CADM1: variants seen among roughly 807,000 people sequenced by gnomAD.
The protein encoded by CADM1 is cell adhesion molecule 1.
A neutral mutation model predicts 53.1 loss-of-function variants in CADM1; 15 were observed. That is an observed-to-expected ratio of 0.28 (90% CI 0.19 to 0.44). The LOEUF is 0.44. CADM1 is among the 20% of genes least tolerant of loss of function. CADM1 has a pLI of 1.00. For missense variants in CADM1, 434 were observed against 611.3 expected, an observed-to-expected ratio of 0.71 and a Z score of 3.06; for synonymous variants, 281 against 243.0, an observed-to-expected ratio of 1.16 and a Z score of -1.45.
At chr11:115,370,795 T>G (rs1284347138) in intron 1 of CADM1, among the ~76,000 whole-genome samples, 1 of 152,194 alleles carries the variant, frequency 6.6e-6, no homozygotes, top group Non-Finnish European at 1.5e-5. Flanking sequence ...CCCTATATAT[T>G]GACCTCTGAA....
At chr11:115,493,696 C>T (rs1949548836) in intron 1 of CADM1, among the ~76,000 whole-genome samples, 1 of 152,096 alleles carries the variant, frequency 6.6e-6, no homozygotes, top group South Asian at 2.1e-4. Flanking sequence ...AGGAAGTTGG[C>T]AGTATCAGCT....
chr11:115,323,569 G>A (rs998271779), intron 1 of CADM1, among the ~76,000 whole-genome samples: 6 of 152,180 alleles, frequency 3.9e-5, no homozygotes, highest in Admixed American at 2.6e-4. Flanking sequence ...TAAATGATGC[G>A]GAAGAGGTTG....
chr11:115,256,123 A>G (rs1471066434), intron 1 of CADM1, among the ~76,000 whole-genome samples: 1 of 152,216 alleles, frequency 6.6e-6, no homozygotes, highest in Non-Finnish European at 1.5e-5. Context: ...GTGTTCCAAA[A>G]TGAAAACTGA....
intron 1 of CADM1, among the ~76,000 whole-genome samples, chr11:115,264,415 T>C (rs1255793929): frequency 1.3e-5 from 2 of 152,244 alleles, no homozygotes; most frequent in Admixed American, 1.3e-4. Context: ...TGTGGGCTAA[T>C]GGATGGCACA....
rs1165655289 is a variant in CADM1 at position 115,331,695 on chromosome 11, T to G, written c.125-91275A>C. 5.3e-5 allele frequency among the ~76,000 whole-genome samples: 8 copies of G among 151,720 alleles called. No homozygotes were observed. The South Asian group carries it at 1.5e-3, about 28-fold the overall frequency. ...AATAGAGTAAATATGTGCAGAAAAT[T>G]TTTATCAAGATTTTACCAAGTCTAT... On this transcript the variant is annotated intron_variant, in intron 1 of 11. Coordinates refer to ENST00000331581, the MANE Select transcript of CADM1 (RefSeq NM_001301043.2).
intron 1 of CADM1, among the ~76,000 whole-genome samples, chr11:115,413,266 A>T (rs571462809): frequency 6.6e-5 from 10 of 152,352 alleles, no homozygotes; most frequent in Middle Eastern, 3.4e-3. Context: ...TTTTTCCTTC[A>T]ACAAATATTT....
chr11:115,310,706 G>A (rs1944511278), intron 1 of CADM1, among the ~76,000 whole-genome samples: 1 of 152,116 alleles, frequency 6.6e-6, no homozygotes. Context: ...CCAGGTAGCT[G>A]AGGTTATCTG....
At chr11:115,425,908 C>T (rs1947878389) in intron 1 of CADM1, among the ~76,000 whole-genome samples, 1 of 152,318 alleles carries the variant, frequency 6.6e-6, no homozygotes, top group African/African-American at 2.4e-5. Flanking sequence ...TTGGCCTTCA[C>T]CTGTGGGCTT....
At position 115,369,026 on chromosome 11, in the gene CADM1, T is replaced by TAAAAAAAAAAAAAAAAAAAA. The variant is rs552309443; in HGVS notation, c.125-128626_125-128607dup. Among the ~76,000 whole-genome samples, 20 of 44,742 alleles carry TAAAAAAAAAAAAAAAAAAAA rather than the reference T, an allele frequency of 4.5e-4. 2 individuals are homozygous for TAAAAAAAAAAAAAAAAAAAA. The highest frequency in any genetic ancestry group is 6.5e-4 in the Admixed American group (2 of 3,082). 29.4% of individuals were successfully genotyped at this position (44,742 alleles called of 152,430 possible). A position where few individuals can be genotyped will look rare whatever the true frequency, so the allele number is the denominator to read the frequency against. ...GTGCCTAGCAGAGTGAAAAAAAATC[T>TAAAAAAAAAAAAAAAAAAAA]AAAAAAAAAAAAAAAAAAAAAAAAA... On this transcript the variant is annotated intron_variant, in intron 1 of 11. Transcript: ENST00000331581.
At chr11:115,367,578 T>A (rs957960141) in intron 1 of CADM1, among the ~76,000 whole-genome samples, 1 of 152,174 alleles carries the variant, frequency 6.6e-6, no homozygotes, top group Non-Finnish European at 1.5e-5. Context: ...CACTGCCCAG[T>A]CAACCACTGT....
chr11:115,355,253 T>C (rs183218488), intron 1 of CADM1, among the ~76,000 whole-genome samples: 1 of 152,354 alleles, frequency 6.6e-6, no homozygotes, highest in African/African-American at 2.4e-5. Flanking sequence ...ATGTGGTATA[T>C]ATACACTGTA....
chr11:115,452,525 T>A (rs778399138), intron 1 of CADM1, among the ~76,000 whole-genome samples: 2 of 152,250 alleles, frequency 1.3e-5, no homozygotes, highest in Non-Finnish European at 2.9e-5. Flanking sequence ...TACACAGTTA[T>A]GAAATGTCAT....
intron 1 of CADM1, among the ~76,000 whole-genome samples, chr11:115,298,460 A>G (rs1591684517): frequency 6.6e-6 from 1 of 152,304 alleles, no homozygotes; most frequent in East Asian, 1.9e-4. Flanking sequence ...GCAGAGGTGA[A>G]TGCCTCAGTA....
At chr11:115,457,754 G>T (rs911314838) in intron 1 of CADM1, among the ~76,000 whole-genome samples, 8 of 152,058 alleles carry the variant, frequency 5.3e-5, no homozygotes, top group Admixed American at 4.6e-4. Context: ...ATAGGTAATT[G>T]TTTTGTAAAA....
At chr11:115,373,583 C>CAAAAAAAAAAAA (rs35059216) in intron 1 of CADM1, among the ~76,000 whole-genome samples, 5 of 48,822 alleles carry the variant, frequency 1.0e-4, no homozygotes, top group African/African-American at 4.2e-4. Context: ...GACTCTGTCT[C>CAAAAAAAAAAAA]AAAAAAAAAA....
intron 10 of CADM1, among the ~76,000 whole-genome samples, chr11:115,180,190 T>A (rs7928746): frequency 0.049 from 7,467 of 152,258 alleles, 377 homozygotes; most frequent in East Asian, 0.29. Context: ...CCAATTCTGC[T>A]CCGAGATTAA....
intron 1 of CADM1, among the ~76,000 whole-genome samples, chr11:115,477,604 G>A (rs1024331839): frequency 6.6e-6 from 1 of 152,152 alleles, no homozygotes; most frequent in African/African-American, 2.4e-5. Context: ...TCACAGCAAG[G>A]GTCTGGAATA....
Position 115,229,189 on chromosome 11 carries a change from C to G in CADM1, c.645G>C (p.Gly215=). The G allele has an allele frequency of 1.2e-6, 2 of 1,614,090 alleles. No homozygotes were observed. Among genetic ancestry groups the G allele is most frequent in the Non-Finnish European group, 1.7e-6 (2 of 1,180,002 alleles). ...LMLKVHKEDD[G]VPVICQVEHP... The stretch of plus-strand genomic sequence containing the variant: ...GCTCCACCTGGCAGATCACTGGGAC[C>G]CCATCGTCCTCCTTGTGCACCTTCA... Residue 215 remains glycine, a synonymous_variant, in exon 5 of 12, where the codon GGG becomes GGC. Transcript: ENST00000331581.
intron 10 of CADM1, among the ~76,000 whole-genome samples, chr11:115,184,510 C>A (rs1939453624): frequency 6.6e-6 from 1 of 152,164 alleles, no homozygotes; most frequent in African/African-American, 2.4e-5. Flanking sequence ...ACAGTACATG[C>A]ACAGCTTTCC....
Sources: allele counts gnomAD v4.1 joint callset (sites outside exome capture counted in the v4.1 genomes callset), GRCh38; gene constraint gnomAD v4.1.1; transcripts MANE v1.5; gene names NCBI Gene and HGNC (gene_info 2026-07-23, HGNC 2026-07-21).